Variants in REDIC1 observed in about 807,000 individuals in gnomAD.
REDIC1 encodes the protein HEI10 Interacting Protein 1.
the REDIC1 span, among the ~76,000 whole-genome samples, chr12:39,713,716 C>G: frequency 6.7e-6 from 1 of 148,284 alleles, no homozygotes; most frequent in Non-Finnish European, 1.5e-5. Context: ...TTTATGTATG[C>G]CTGTATACAT....
chr12:39,752,483 A>G, the REDIC1 span, among the ~76,000 whole-genome samples: 1 of 152,276 alleles, frequency 6.6e-6, no homozygotes, highest in African/African-American at 2.4e-5. Flanking sequence ...TGTGCCAAAA[A>G]GTTTGAGGAC....
chr12:39,701,910 T>C, the REDIC1 span, among the ~76,000 whole-genome samples: 17 of 152,108 alleles, frequency 1.1e-4, no homozygotes, highest in East Asian at 2.5e-3. Flanking sequence ...AGACACAACA[T>C]ACCAGAATCT....
the REDIC1 span, among the ~76,000 whole-genome samples, chr12:39,672,788 G>T: frequency 6.6e-6 from 1 of 152,172 alleles, no homozygotes; most frequent in Non-Finnish European, 1.5e-5. Context: ...GAAAATGTCA[G>T]TGGGGCTCCA....
At chr12:39,721,858 G>A in the REDIC1 span, 1 of 152,032 alleles carries the variant, frequency 6.6e-6, no homozygotes, top group East Asian at 1.9e-4. Context: ...ATTAAAAGAT[G>A]TTTTAATGTT....
the REDIC1 span, among the ~76,000 whole-genome samples, chr12:39,648,919 G>A: frequency 6.6e-6 from 1 of 151,440 alleles, no homozygotes; most frequent in Non-Finnish European, 1.5e-5. Flanking sequence ...TTACATTCCT[G>A]TGACCCATGC....
chr12:39,853,231 G>A, the REDIC1 span, among the ~76,000 whole-genome samples: 1 of 152,104 alleles, frequency 6.6e-6, no homozygotes, highest in Non-Finnish European at 1.5e-5. Flanking sequence ...CTCTCTGGGT[G>A]GGGTTCAGGG....
At chr12:39,646,474 T>A in the REDIC1 span, 1 of 1,552,004 alleles carries the variant, frequency 6.4e-7, no homozygotes, top group South Asian at 1.2e-5. Context: ...AGGTTTTAGC[T>A]AGGATTTATA....
chr12:39,684,405 T>A, the REDIC1 span: 12 of 358,864 alleles, frequency 3.3e-5, no homozygotes, highest in African/African-American at 2.4e-4. Context: ...ATTCTGGAAG[T>A]GATTTCTTGT....
At chr12:39,752,763 T>G in the REDIC1 span, among the ~76,000 whole-genome samples, 2 of 152,172 alleles carry the variant, frequency 1.3e-5, no homozygotes, top group African/African-American at 4.8e-5. Context: ...TAAGACAGTT[T>G]TACAAATCCC....
At chr12:39,725,755 T>C in the REDIC1 span, among the ~76,000 whole-genome samples, 1 of 151,302 alleles carries the variant, frequency 6.6e-6, no homozygotes, top group Non-Finnish European at 1.5e-5. Context: ...ATAATATATA[T>C]AATAACCTAT....
chr12:39,710,435 T>G, the REDIC1 span, among the ~76,000 whole-genome samples: 1 of 151,580 alleles, frequency 6.6e-6, no homozygotes, highest in Non-Finnish European at 1.5e-5. Context: ...CATAATCACT[T>G]CATACCTAGA....
the REDIC1 span, among the ~76,000 whole-genome samples, chr12:39,880,428 C>A: frequency 0.052 from 7,899 of 152,130 alleles, 289 homozygotes; most frequent in Non-Finnish European, 0.079. Flanking sequence ...TTATAACATG[C>A]AAGACATAAA....
chr12:39,842,652 A>C, the REDIC1 span, among the ~76,000 whole-genome samples: 2 of 152,070 alleles, frequency 1.3e-5, no homozygotes. Context: ...AAAATTTACC[A>C]TTTTAACAAT....
chr12:39,863,821 C>T, the REDIC1 span, among the ~76,000 whole-genome samples: 7 of 152,152 alleles, frequency 4.6e-5, no homozygotes, highest in Non-Finnish European at 7.4e-5. Context: ...TAATGAACAG[C>T]CACCATAAAT....
chr12:39,705,422 G>C, the REDIC1 span, among the ~76,000 whole-genome samples: 1 of 151,950 alleles, frequency 6.6e-6, no homozygotes, highest in Non-Finnish European at 1.5e-5. Flanking sequence ...AAAATATTCT[G>C]AAAAATGGAG....
chr12:39,899,677 T>G, the REDIC1 span, among the ~76,000 whole-genome samples: 1 of 152,162 alleles, frequency 6.6e-6, no homozygotes, highest in African/African-American at 2.4e-5. Flanking sequence ...TCTGGTATGT[T>G]GTGTCTTTGT....
chr12:39,704,362 C>T, the REDIC1 span, among the ~76,000 whole-genome samples: 1 of 152,026 alleles, frequency 6.6e-6, no homozygotes, highest in Non-Finnish European at 1.5e-5. Flanking sequence ...CAAATCAAAA[C>T]CACAATGAGA....
the REDIC1 span, among the ~76,000 whole-genome samples, chr12:39,771,039 A>C: frequency 6.6e-6 from 1 of 152,188 alleles, no homozygotes; most frequent in African/African-American, 2.4e-5. Context: ...GAACGTACAC[A>C]AAGAATTTCA....
chr12:39,774,559 C>CT, the REDIC1 span, among the ~76,000 whole-genome samples: 2 of 147,972 alleles, frequency 1.4e-5, no homozygotes, highest in African/African-American at 5.0e-5. Flanking sequence ...AAATCCTGCC[C>CT]TTGAATGATT....
Sources: gnomAD v4.1 joint callset for allele counts (sites outside exome capture counted in the v4.1 genomes callset) on GRCh38, gnomAD v4.1.1 for gene constraint, MANE v1.5 for transcripts, NCBI Gene and HGNC (gene_info 2026-07-23, HGNC 2026-07-21) for gene names.